ABCG2: variants seen among roughly 807,000 people sequenced by gnomAD.
ABCG2 encodes ATP binding cassette subfamily G member 2 (JR blood group), also known as broad substrate specificity ATP-binding cassette transporter ABCG2.
Under a neutral mutation model 73.5 loss-of-function variants are expected in ABCG2, and 80 were observed. The ratio of observed to expected loss-of-function variants is 1.09; its 90% CI spans 0.91 to 1.31. The LOEUF is 1.31. Ranked by LOEUF, ABCG2 falls within the 50% of genes most tolerant of loss-of-function variation. The pLI, the probability that ABCG2 is intolerant of heterozygous loss-of-function variation, is 0.00. For missense variants in ABCG2, 796 were observed against 786.2 expected (o/e 1.01, Z -0.15); for synonymous variants, 269 against 282.4 (o/e 0.95, Z 0.48).
chr4:88,112,044 C>T (rs913072638), intron 9 of ABCG2, among the ~76,000 whole-genome samples: 1 of 151,536 alleles, frequency 6.6e-6, no homozygotes, highest in Non-Finnish European at 1.5e-5. Context: ...TATGATTGCA[C>T]CACTGCACTC....
chr4:88,092,425 C>T (rs111698756), intron 15 of ABCG2, 44 bp from the exon 16 acceptor site: 36 of 1,585,852 alleles, frequency 2.3e-5, no homozygotes, highest in Admixed American at 2.0e-4. Context: ...TCCTAGCATC[C>T]GTCAAATGTT....
At chr4:88,156,096 CG>C (rs1261859300) in intron 1 of ABCG2, among the ~76,000 whole-genome samples, 1 of 151,596 alleles carries the variant, frequency 6.6e-6, no homozygotes, top group Non-Finnish European at 1.5e-5. Context: ...AAAAAGAGTC[CG>C]GGCATGATAG....
intron 1 of ABCG2, among the ~76,000 whole-genome samples, chr4:88,185,841 A>G (rs973496949): frequency 2.6e-5 from 4 of 152,216 alleles, no homozygotes; most frequent in African/African-American, 7.2e-5. Flanking sequence ...TATGCAAAAG[A>G]CAGGTAATAA....
intron 10 of ABCG2, among the ~76,000 whole-genome samples, chr4:88,106,094 G>A (rs1578179264): frequency 6.6e-6 from 1 of 152,076 alleles, no homozygotes; most frequent in Non-Finnish European, 1.5e-5. Flanking sequence ...CTAATTCTGG[G>A]TATATATCCG....
At position 88,101,264 on chromosome 4, in the gene ABCG2, C is replaced by A. The variant is rs765641486; in HGVS notation, c.1333G>T (p.Val445Leu). The change falls in exon 11 of 16, where the codon GTG becomes TTG. Residue 445 changes from valine to leucine, a missense_variant. By Grantham distance (32) the Val-to-Leu change is conservative. Coordinates refer to ENST00000237612, the MANE Select transcript of ABCG2 (RefSeq NM_004827.3). ...TNQCFSSVSA[V>L]ELFVVEKKLF... Reference sequence around the variant, plus strand: ...TTCTTCTCTACCACAAAGAGTTCCACGGCTGAAACACTGCTGAAACACTGG... The same window carrying A: ...TTCTTCTCTACCACAAAGAGTTCCAAGGCTGAAACACTGCTGAAACACTGG... 1.7e-5 allele frequency: 27 copies of A among 1,613,982 alleles called. No homozygotes were observed. Among genetic ancestry groups the A allele is most frequent in the Non-Finnish European group, 2.2e-5 (26 of 1,180,016 alleles).
At chr4:88,165,872 TC>T (rs1347863118) in intron 1 of ABCG2, among the ~76,000 whole-genome samples, 2 of 148,860 alleles carry the variant, frequency 1.3e-5, no homozygotes, top group African/African-American at 5.0e-5. Flanking sequence ...AGACTCCATC[TC>T]AAAAAAAAAA....
intron 1 of ABCG2, among the ~76,000 whole-genome samples, chr4:88,190,898 G>A (rs1728661525): frequency 6.6e-6 from 1 of 151,908 alleles, no homozygotes; most frequent in Admixed American, 6.6e-5. Flanking sequence ...ATTATATAAA[G>A]AACCATTACA....
chr4:88,095,493 TCA>T, intron 14 of ABCG2, 25 bp downstream of exon 14: 1 of 1,582,592 alleles, frequency 6.3e-7, no homozygotes, highest in African/African-American at 1.3e-5. Context: ...GGGAATGCAG[TCA>T]CAGTGACAGA....
At chr4:88,137,029 A>ATAAAATAAAAT (rs1725299887) in intron 2 of ABCG2, among the ~76,000 whole-genome samples, 1 of 149,998 alleles carries the variant, frequency 6.7e-6, no homozygotes, top group Non-Finnish European at 1.5e-5. Flanking sequence ...ATAAAATAAA[A>ATAAAATAAAAT]TAAAATAAAA....
chr4:88,174,956 G>A (rs1727898429), intron 1 of ABCG2, among the ~76,000 whole-genome samples: 1 of 152,252 alleles, frequency 6.6e-6, no homozygotes, highest in South Asian at 2.1e-4. Context: ...TGGCTAGCCA[G>A]TTTTCCCAGC....
At chr4:88,128,720 A>G (rs1724611413) in intron 5 of ABCG2, among the ~76,000 whole-genome samples, 1 of 152,160 alleles carries the variant, frequency 6.6e-6, no homozygotes, top group Non-Finnish European at 1.5e-5. Flanking sequence ...GAGTTGAACA[A>G]TGAGAACACA....
chr4:88,197,053 G>C (rs1051340060), intron 1 of ABCG2, among the ~76,000 whole-genome samples: 1 of 151,700 alleles, frequency 6.6e-6, no homozygotes, highest in African/African-American at 2.4e-5. Flanking sequence ...ACAGCCTAGG[G>C]GCACAGGCTT....
intron 7 of ABCG2, among the ~76,000 whole-genome samples, chr4:88,117,335 A>AC (rs1452991309): frequency 1.3e-5 from 2 of 150,044 alleles, no homozygotes; most frequent in East Asian, 3.9e-4. Context: ...AAAAAAAAAA[A>AC]ACCTTAAATA....
At chr4:88,117,193 A>G (rs1723634927) in intron 7 of ABCG2, among the ~76,000 whole-genome samples, 1 of 152,032 alleles carries the variant, frequency 6.6e-6, no homozygotes, top group Non-Finnish European at 1.5e-5. Context: ...CCATGGTGGC[A>G]TGTGTCTATA....
intron 1 of ABCG2, among the ~76,000 whole-genome samples, chr4:88,209,571 C>G (rs189943283): frequency 6.6e-6 from 1 of 151,724 alleles, no homozygotes; most frequent in Non-Finnish European, 1.5e-5. Flanking sequence ...GCAGAAGAAT[C>G]GCTTGAACCT....
rs141914537 is a variant in ABCG2, at chr4:88,199,947, A to T, written c.-20+31047T>A. 5.1e-3 allele frequency among the ~76,000 whole-genome samples: 777 copies of T among 152,296 alleles called. 6 individuals are homozygous for T. The highest frequency in any genetic ancestry group is 6.9e-3 in the Non-Finnish European group (471 of 68,034). On this transcript the variant is annotated intron_variant, in intron 1 of 15. Coordinates refer to the ABCG2 transcript ENST00000515655. ...AACCCGGCAGGCAGAGCTTGCAGTG[A>T]GCAAGATCGCGCCACTGCACTCCAG...
At chr4:88,118,301 G>A in intron 6 of ABCG2, 41 bp from the exon 7 acceptor site, 1 of 1,597,792 alleles carries the variant, frequency 6.3e-7, no homozygotes, top group Non-Finnish European at 8.6e-7. Flanking sequence ...TTAAATATCT[G>A]AAACTTGTAT....
At chr4:88,161,157 T>G (rs1039431060), upstream of ABCG2, among the ~76,000 whole-genome samples, 1 of 96,122 alleles carries the variant, frequency 1.0e-5, no homozygotes, top group Non-Finnish European at 2.5e-5. Context: ...CTACAAACAA[T>G]TTTTTTTTTT....
At chr4:88,224,547 A>G (rs1156585725) in intron 1 of ABCG2, among the ~76,000 whole-genome samples, 1 of 151,870 alleles carries the variant, frequency 6.6e-6, no homozygotes, top group East Asian at 1.9e-4. Context: ...GCTGGAATGC[A>G]GTGGCGTGAT....
Sources: allele counts gnomAD v4.1 joint callset (sites outside exome capture counted in the v4.1 genomes callset), GRCh38; gene constraint gnomAD v4.1.1; transcripts MANE v1.5; gene names NCBI Gene and HGNC (gene_info 2026-07-23, HGNC 2026-07-21).